Variants in CFAP300 observed in about 807,000 individuals in gnomAD.
CFAP300 encodes the protein cilia and flagella associated protein 300, also known as cilia- and flagella-associated protein 300.
In CFAP300, 32 loss-of-function variants were observed where a neutral mutation model predicts 33.0. The ratio of observed to expected loss-of-function variants is 0.97; its 90% CI spans 0.73 to 1.30. CFAP300 has a LOEUF of 1.30. Ranked by LOEUF, CFAP300 falls within the 50% of genes most tolerant of loss-of-function variation. The probability of loss-of-function intolerance (pLI) is 0.00; values close to 1 mark genes in which losing one functional copy is unlikely to be tolerated. For synonymous variants in CFAP300, 102 were observed against 106.8 expected, an observed-to-expected ratio of 0.95 and a Z score of 0.28; for missense variants, 356 against 318.1, an observed-to-expected ratio of 1.12 and a Z score of -0.90.
chr11:102,069,574 G>T (rs1361971248), intron 4 of CFAP300, among the ~76,000 whole-genome samples: 1 of 152,084 alleles, frequency 6.6e-6, no homozygotes, highest in Non-Finnish European at 1.5e-5. Context: ...AGGCAGAGGC[G>T]GGTGGATCAC....
rs369043552 is a variant in CFAP300, at chr11:102,056,695, C to A, written c.193-2185C>A. ...CTGGAGTGCAGTGACACAATCTCAG[C>A]TCACTACAACCTCCACCTCCCAGGT... On this transcript the variant is annotated intron_variant, in intron 2 of 6. Transcript: ENST00000434758. 5.1e-4 allele frequency among the ~76,000 whole-genome samples: 77 copies of A among 152,230 alleles called. No homozygotes were observed. The South Asian group carries it at 0.011, about 23-fold the overall frequency.
intron 4 of CFAP300, among the ~76,000 whole-genome samples, chr11:102,069,920 T>C (rs1289520074): frequency 6.6e-6 from 1 of 152,162 alleles, no homozygotes; most frequent in Non-Finnish European, 1.5e-5. Context: ...TGAGCCAAGA[T>C]GGCACCATCG....
chr11:102,066,409 C>A, intron 3 of CFAP300, 76 bp from the exon 4 acceptor site: 2 of 976,486 alleles, frequency 2.0e-6, no homozygotes, highest in Non-Finnish European at 2.9e-6. Flanking sequence ...TTCTGCATAG[C>A]GATTTATTTT....
At chr11:102,063,729 G>GA (rs2135030302) in intron 3 of CFAP300, among the ~76,000 whole-genome samples, 1 of 152,246 alleles carries the variant, frequency 6.6e-6, no homozygotes, top group East Asian at 1.9e-4. Flanking sequence ...TGAGGCAGAA[G>GA]AATCACTTGA....
intron 3 of CFAP300, among the ~76,000 whole-genome samples, chr11:102,061,367 A>C (rs911685772): frequency 3.3e-5 from 5 of 152,088 alleles, no homozygotes; most frequent in African/African-American, 1.2e-4. Context: ...AGCTTTTTAA[A>C]ATAGGTGAAG....
chr11:102,068,587 G>T (rs1942262452), intron 4 of CFAP300, among the ~76,000 whole-genome samples: 1 of 152,156 alleles, frequency 6.6e-6, no homozygotes, highest in Non-Finnish European at 1.5e-5. Context: ...AGGAGTTCGA[G>T]ACCAGTCTAG....
chr11:102,057,339 CAAAA>C (rs68076980), intron 2 of CFAP300, among the ~76,000 whole-genome samples: 1 of 129,956 alleles, frequency 7.7e-6, no homozygotes. Context: ...AACTCCATCT[CAAAA>C]AAAAAAAAAA....
At chr11:102,079,692 T>G (rs1346448561) in intron 5 of CFAP300, among the ~76,000 whole-genome samples, 1 of 152,196 alleles carries the variant, frequency 6.6e-6, no homozygotes, top group East Asian at 1.9e-4. Flanking sequence ...CCTAAAAAAG[T>G]AGAGAAGAGG....
At chr11:102,063,096 G>A (rs1442542918) in intron 3 of CFAP300, among the ~76,000 whole-genome samples, 1 of 151,762 alleles carries the variant, frequency 6.6e-6, no homozygotes, top group African/African-American at 2.4e-5. Flanking sequence ...TTGGAGGCAG[G>A]GCCACCCTGC....
At chr11:102,055,942 T>C (rs995580348) in intron 2 of CFAP300, among the ~76,000 whole-genome samples, 6 of 152,180 alleles carry the variant, frequency 3.9e-5, no homozygotes, top group East Asian at 3.9e-4. Flanking sequence ...GTGCTGGGAT[T>C]ACAGGCATGA....
intron 4 of CFAP300, among the ~76,000 whole-genome samples, chr11:102,069,366 C>A (rs1942276024): frequency 6.6e-6 from 1 of 152,208 alleles, no homozygotes; most frequent in African/African-American, 2.4e-5. Context: ...TAACCACTTT[C>A]CTGACTGTGG....
chr11:102,059,766 A>G (rs1942116928), intron 3 of CFAP300, among the ~76,000 whole-genome samples: 1 of 152,052 alleles, frequency 6.6e-6, no homozygotes. Flanking sequence ...TGAGATGAGT[A>G]CATGGGTACA....
chr11:102,078,955 C>A (rs1354414715), intron 5 of CFAP300, among the ~76,000 whole-genome samples: 1 of 152,118 alleles, frequency 6.6e-6, no homozygotes, highest in African/African-American at 2.4e-5. Context: ...GGCAATCTGC[C>A]CACCTCGGCT....
chr11:102,073,875 G>A (rs182202733), intron 4 of CFAP300, among the ~76,000 whole-genome samples: 1 of 152,276 alleles, frequency 6.6e-6, no homozygotes, highest in East Asian at 1.9e-4. Flanking sequence ...CTGTGGGTGG[G>A]AGATCCCATC....
At chr11:102,055,030 G>A (rs930394628) in intron 2 of CFAP300, among the ~76,000 whole-genome samples, 4 of 151,230 alleles carry the variant, frequency 2.6e-5, no homozygotes, top group Non-Finnish European at 4.4e-5. Context: ...GCCCAGGCTG[G>A]GGTGCAGTGG....
chr11:102,049,432 A>G (rs1210603447), intron 2 of CFAP300, among the ~76,000 whole-genome samples: 1 of 152,140 alleles, frequency 6.6e-6, no homozygotes, highest in Non-Finnish European at 1.5e-5. Context: ...AATTCCAACT[A>G]AGGTCACTTT....
intron 1 of CFAP300, 47 bp from the exon 2 acceptor site, chr11:102,047,768 A>G (rs1256619982): frequency 6.3e-7 from 1 of 1,596,230 alleles, no homozygotes. Context: ...GTGCGCTCTG[A>G]GAGGGTGCCA....
chr11:102,081,911 T>C (rs1339932627), intron 6 of CFAP300, among the ~76,000 whole-genome samples: 1 of 140,556 alleles, frequency 7.1e-6, no homozygotes, highest in African/African-American at 2.6e-5. Context: ...AAAAAAAGAA[T>C]GCCATAAATG....
intron 2 of CFAP300, among the ~76,000 whole-genome samples, chr11:102,049,365 A>G (rs1941935228): frequency 6.6e-6 from 1 of 152,182 alleles, no homozygotes; most frequent in African/African-American, 2.4e-5. Context: ...CACCAGTCAT[A>G]TTGAATTAAG....
Sources: allele counts gnomAD v4.1 joint callset (sites outside exome capture counted in the v4.1 genomes callset), GRCh38; gene constraint gnomAD v4.1.1; transcripts MANE v1.5; gene names NCBI Gene and HGNC (gene_info 2026-07-23, HGNC 2026-07-21).